CNTNAP2: variants seen among roughly 807,000 people sequenced by gnomAD.
The protein encoded by CNTNAP2 is contactin-associated protein-like 2.
Under a neutral mutation model 155.2 loss-of-function variants are expected in CNTNAP2, and 98 were observed. The observed-to-expected ratio is 0.63, with a 90% confidence interval of 0.54 to 0.75. The LOEUF is 0.75. CNTNAP2 is among the 30% of genes least tolerant of loss of function. The probability of loss-of-function intolerance (pLI) is 0.00; values close to 1 mark genes in which losing one functional copy is unlikely to be tolerated. For missense variants in CNTNAP2, 1,727 were observed against 1,688.1 expected (o/e 1.02, Z -0.40); for synonymous variants, 651 against 631.2 (o/e 1.03, Z -0.47).
chr7:146,632,835 A>C (rs1294691734), intron 1 of CNTNAP2, among the ~76,000 whole-genome samples: 4 of 152,056 alleles, frequency 2.6e-5, no homozygotes, highest in African/African-American at 9.7e-5. Flanking sequence ...AAAGATCCTG[A>C]ATTTATAGTA....
chr7:147,093,359 TTAAA>T (rs1310895184), intron 4 of CNTNAP2, among the ~76,000 whole-genome samples: 1 of 152,116 alleles, frequency 6.6e-6, no homozygotes, highest in Non-Finnish European at 1.5e-5. Flanking sequence ...CAAGATTAAA[TTAAA>T]TATTTATTAT....
chr7:147,544,937 T>C (rs1363748867), intron 11 of CNTNAP2, among the ~76,000 whole-genome samples: 1 of 152,080 alleles, frequency 6.6e-6, no homozygotes, highest in Non-Finnish European at 1.5e-5. Flanking sequence ...GAACTGTGAG[T>C]CCATTAAACC....
At chr7:148,368,270 G>A (rs1441935600) in intron 21 of CNTNAP2, among the ~76,000 whole-genome samples, 1 of 152,140 alleles carries the variant, frequency 6.6e-6, no homozygotes, top group African/African-American at 2.4e-5. Flanking sequence ...TGAGGGGTGG[G>A]GGTTGCTGGC....
chr7:147,373,433 A>T (rs1207689018), intron 9 of CNTNAP2, among the ~76,000 whole-genome samples: 1 of 152,138 alleles, frequency 6.6e-6, no homozygotes, highest in Admixed American at 6.6e-5. Flanking sequence ...AATAACCTAC[A>T]GCTTTGAACT....
intron 17 of CNTNAP2, among the ~76,000 whole-genome samples, chr7:148,148,958 A>G (rs1805246962): frequency 6.6e-6 from 1 of 152,208 alleles, no homozygotes; most frequent in Non-Finnish European, 1.5e-5. Context: ...AAAATTACAC[A>G]TTATTTTTTA....
chr7:146,592,541 A>G (rs1798798444), intron 1 of CNTNAP2, among the ~76,000 whole-genome samples: 1 of 152,202 alleles, frequency 6.6e-6, no homozygotes, highest in Non-Finnish European at 1.5e-5. Context: ...CTAAGAATCC[A>G]GTCATTCCAG....
At chr7:147,759,684 G>T (rs1176917118) in intron 13 of CNTNAP2, among the ~76,000 whole-genome samples, 2 of 152,200 alleles carry the variant, frequency 1.3e-5, no homozygotes, top group Non-Finnish European at 2.9e-5. Context: ...GCCACACGAG[G>T]ATGTGGGCTG....
intron 10 of CNTNAP2, among the ~76,000 whole-genome samples, chr7:147,437,103 T>A (rs541110010): frequency 1.3e-5 from 2 of 152,010 alleles, no homozygotes; most frequent in Non-Finnish European, 2.9e-5. Flanking sequence ...GGTTTTCACA[T>A]AGTTTTAATC....
chr7:146,933,516 A>T (rs1796831547), intron 3 of CNTNAP2, among the ~76,000 whole-genome samples: 1 of 151,162 alleles, frequency 6.6e-6, no homozygotes, highest in Non-Finnish European at 1.5e-5. Flanking sequence ...ACCATTCAGG[A>T]CATAGGCATG....
chr7:147,573,031 C>A (rs1800324801), intron 12 of CNTNAP2, among the ~76,000 whole-genome samples: 2 of 152,108 alleles, frequency 1.3e-5, no homozygotes, highest in South Asian at 2.1e-4. Flanking sequence ...TCACCACAAC[C>A]AAGAAAGTTA....
chr7:146,668,167 AT>A (rs35735715), intron 1 of CNTNAP2, among the ~76,000 whole-genome samples: 13,896 of 151,992 alleles, frequency 0.091, 1,954 homozygotes, highest in African/African-American at 0.3. Context: ...TTTTATTGAG[AT>A]TTTTAATATA....
chr7:147,420,224 C>T (rs947707987), intron 10 of CNTNAP2, among the ~76,000 whole-genome samples: 3 of 152,126 alleles, frequency 2.0e-5, no homozygotes, highest in African/African-American at 7.2e-5. Flanking sequence ...TGTTGAAATG[C>T]CATCTCTATT....
intron 14 of CNTNAP2, among the ~76,000 whole-genome samples, chr7:147,968,252 G>C (rs369849328): frequency 8.5e-5 from 13 of 152,312 alleles, no homozygotes; most frequent in East Asian, 1.9e-4. Flanking sequence ...GGCTTTCTAA[G>C]AGAAGTCTAA....
intron 18 of CNTNAP2, among the ~76,000 whole-genome samples, chr7:148,186,848 G>T (rs1795123743): frequency 1.3e-5 from 2 of 152,186 alleles, no homozygotes; most frequent in African/African-American, 2.4e-5. Flanking sequence ...CACACGGTCA[G>T]TGGTCCAATT....
chr7:146,522,277 G>A (rs17170124), intron 1 of CNTNAP2, among the ~76,000 whole-genome samples: 9,767 of 151,956 alleles, frequency 0.064, 773 homozygotes, highest in African/African-American at 0.19. Flanking sequence ...TGAAGCACCC[G>A]TCGTTCATAA....
At chr7:147,293,112 A>G (rs1805349563) in intron 8 of CNTNAP2, among the ~76,000 whole-genome samples, 1 of 152,186 alleles carries the variant, frequency 6.6e-6, no homozygotes. Context: ...ATGTCATGAC[A>G]TACGATCTCC....
At chr7:148,270,984 G>A (rs1246680413) in intron 21 of CNTNAP2, among the ~76,000 whole-genome samples, 1 of 152,188 alleles carries the variant, frequency 6.6e-6, no homozygotes, top group Non-Finnish European at 1.5e-5. Context: ...TTTACAGCAG[G>A]CTGATCAGTG....
At position 147,599,354 on chromosome 7, in the gene CNTNAP2, C is replaced by T. The variant is rs530213070; in HGVS notation, c.1897+37097C>T. ...AAAATTAAAAAAAAAAATTAGCCGG[C>T]ATGGTGTAATCCCAGCTACTCGGGA... is the stretch of plus-strand genomic sequence containing the variant. On this transcript the variant is annotated intron_variant, in intron 12 of 23. Coordinates refer to ENST00000361727, the MANE Select transcript of CNTNAP2 (RefSeq NM_014141.6). Among the ~76,000 whole-genome samples, 31 of 151,520 alleles carry T rather than the reference C, an allele frequency of 2.0e-4. No homozygotes were observed. The East Asian group carries it at 4.3e-3, about 21-fold the overall frequency.
chr7:147,547,252 A>G lies in CNTNAP2; in HGVS notation c.1778-14886A>G, dbSNP rs879686137. ...TGAATCCAAGGCAATAATTGATATT[A>G]TTTATCCTTTCCTTCAACTCATCCT... On this transcript the variant is annotated intron_variant, in intron 11 of 23. Coordinates refer to ENST00000361727, the MANE Select transcript of CNTNAP2 (RefSeq NM_014141.6). Among the ~76,000 whole-genome samples, 9 of 152,174 alleles carry G rather than the reference A, an allele frequency of 5.9e-5. No homozygotes were observed. In the South Asian group the frequency reaches 6.2e-4, roughly 11 times the overall value.
Sources: gnomAD v4.1 joint callset for allele counts (sites outside exome capture counted in the v4.1 genomes callset) on GRCh38, gnomAD v4.1.1 for gene constraint, MANE v1.5 for transcripts, NCBI Gene and HGNC (gene_info 2026-07-23, HGNC 2026-07-21) for gene names.